The following PRORP variants were observed in gnomAD, a reference collection of about 807,000 sequenced individuals.
The protein encoded by PRORP is protein only RNase P catalytic subunit, also known as mitochondrial ribonuclease P catalytic subunit.
A neutral mutation model predicts 59.4 loss-of-function variants in PRORP; 51 were observed. That is an observed-to-expected ratio of 0.86 (90% confidence interval 0.69 to 1.08). The LOEUF (loss-of-function observed/expected upper bound fraction) is 1.08. Ranked by LOEUF, PRORP falls within the 50% of genes least tolerant of loss-of-function variation. PRORP has a pLI of 0.00. For synonymous variants in PRORP, 231 were observed against 245.6 expected (o/e 0.94, Z 0.55); for missense variants, 646 against 690.3 (o/e 0.94, Z 0.72).
chr14:35,194,499 C>T (rs1327816173), intron 5 of PRORP, among the ~76,000 whole-genome samples: 2 of 152,020 alleles, frequency 1.3e-5, no homozygotes, highest in Admixed American at 6.6e-5. Flanking sequence ...CACATGGACA[C>T]AGGGAGGGGA....
At chr14:35,171,521 TC>T (rs1200964827) in intron 4 of PRORP, among the ~76,000 whole-genome samples, 1 of 152,200 alleles carries the variant, frequency 6.6e-6, no homozygotes, top group Non-Finnish European at 1.5e-5. Context: ...GTCATTTGTA[TC>T]ATTATTCCTT....
chr14:35,128,135 T>G (rs944660900), intron 4 of PRORP, among the ~76,000 whole-genome samples: 12 of 152,208 alleles, frequency 7.9e-5, no homozygotes, highest in Admixed American at 1.3e-4. Flanking sequence ...TTGTGTATAT[T>G]GAACCATCCT....
intron 5 of PRORP, among the ~76,000 whole-genome samples, chr14:35,187,195 C>T (rs2048762453): frequency 6.6e-6 from 1 of 152,156 alleles, no homozygotes; most frequent in African/African-American, 2.4e-5. Context: ...ATTGGTGGGT[C>T]ATATGATAAC....
upstream of PRORP, chr14:35,122,026 G>GCGT (rs1479734143): frequency 1.9e-6 from 3 of 1,572,556 alleles, no homozygotes; most frequent in African/African-American, 4.1e-5. Flanking sequence ...ACCAGCTCAG[G>GCGT]CGTCAGCACC....
intron 4 of PRORP, among the ~76,000 whole-genome samples, chr14:35,172,101 T>G (rs888038031): frequency 1.3e-5 from 2 of 149,366 alleles, no homozygotes; most frequent in Non-Finnish European, 3.0e-5. Context: ...CAAGCTGGAG[T>G]ACAGTGGTAT....
chr14:35,242,713 T>C (rs2050397028), intron 5 of PRORP, among the ~76,000 whole-genome samples: 1 of 152,228 alleles, frequency 6.6e-6, no homozygotes. Context: ...TTGGAAGTTT[T>C]AAATAGTCAG....
At chr14:35,146,970 A>T (rs1004766779) in intron 4 of PRORP, among the ~76,000 whole-genome samples, 1 of 152,022 alleles carries the variant, frequency 6.6e-6, no homozygotes, top group East Asian at 1.9e-4. Flanking sequence ...GGTGGTGTGT[A>T]CCTGTAGTCC....
At chr14:35,262,549 A>T in intron 5 of PRORP, 2 of 669,898 alleles carry the variant, frequency 3.0e-6, no homozygotes, top group Non-Finnish European at 2.8e-6. Context: ...GAAAGGCCCC[A>T]GAGGAACCCT....
At chr14:35,122,518 G>C (rs960581894), upstream of PRORP, 1 of 155,182 alleles carries the variant, frequency 6.4e-6, no homozygotes, top group Non-Finnish European at 1.4e-5. Context: ...CTCGTCCGTC[G>C]GTCGGGGCTG....
At chr14:35,124,385 A>G in intron 2 of PRORP, 154 bp downstream of exon 2, 1 of 445,702 alleles carries the variant, frequency 2.2e-6, no homozygotes, top group Non-Finnish European at 3.9e-6. Context: ...CTCTCGCTTC[A>G]GTCTCCTCAG....
intron 4 of PRORP, among the ~76,000 whole-genome samples, chr14:35,166,010 G>C (rs1364559100): frequency 6.6e-6 from 1 of 151,928 alleles, no homozygotes; most frequent in Non-Finnish European, 1.5e-5. Flanking sequence ...TCTCGGGGAA[G>C]TTATATTTTT....
intron 5 of PRORP, among the ~76,000 whole-genome samples, chr14:35,261,635 A>C (rs2138636832): frequency 6.6e-6 from 1 of 152,124 alleles, no homozygotes; most frequent in Admixed American, 6.5e-5. Context: ...AGATTGAGGC[A>C]GGAGAATCAC....
At chr14:35,253,148 G>A (rs567281078) in intron 5 of PRORP, among the ~76,000 whole-genome samples, 1 of 152,138 alleles carries the variant, frequency 6.6e-6, no homozygotes, top group Non-Finnish European at 1.5e-5. Flanking sequence ...AGCCTGGGCA[G>A]CATGGTGAAA....
At chr14:35,172,203 C>A (rs902012042) in intron 4 of PRORP, among the ~76,000 whole-genome samples, 1 of 151,858 alleles carries the variant, frequency 6.6e-6, no homozygotes, top group African/African-American at 2.4e-5. Context: ...TGCCCACCAC[C>A]ACATCCGGCT....
chr14:35,198,919 C>T (rs1315678340), intron 5 of PRORP, among the ~76,000 whole-genome samples: 1 of 152,196 alleles, frequency 6.6e-6, no homozygotes, highest in Non-Finnish European at 1.5e-5. Flanking sequence ...GTAATCCCAG[C>T]ACTTTGGGAG....
intron 5 of PRORP, among the ~76,000 whole-genome samples, chr14:35,210,305 C>T (rs988934368): frequency 2.0e-5 from 3 of 152,146 alleles, no homozygotes; most frequent in African/African-American, 7.2e-5. Flanking sequence ...CTATATTCTT[C>T]CTTTCTCCAC....
chr14:35,136,661 C>A (rs2047383511), intron 4 of PRORP, among the ~76,000 whole-genome samples: 1 of 145,554 alleles, frequency 6.9e-6, no homozygotes, highest in Non-Finnish European at 1.5e-5. Context: ...AGGTGTGAGC[C>A]ACCGCACCTG....
chr14:35,122,432 T>C (rs905008712), upstream of PRORP: 1 of 157,038 alleles, frequency 6.4e-6, no homozygotes, highest in Non-Finnish European at 1.4e-5. Context: ...CTCCTACCCC[T>C]TTTGCCACTA....
chr14:35,237,108 C>G (rs2138523717), intron 5 of PRORP, among the ~76,000 whole-genome samples: 1 of 143,340 alleles, frequency 7.0e-6, no homozygotes, highest in African/African-American at 2.5e-5. Flanking sequence ...CTCTTTCTCT[C>G]TCTCGACAGA....
Sources: gnomAD v4.1 joint callset for allele counts (sites outside exome capture counted in the v4.1 genomes callset) on GRCh38, gnomAD v4.1.1 for gene constraint, MANE v1.5 for transcripts, NCBI Gene and HGNC (gene_info 2026-07-23, HGNC 2026-07-21) for gene names.